WDFY1: variants seen among roughly 807,000 people sequenced by gnomAD.
The protein encoded by WDFY1 is WD repeat and FYVE domain-containing protein 1.
A neutral mutation model predicts 56.4 loss-of-function variants in WDFY1; 32 were observed. The observed-to-expected ratio is 0.57, with a 90% CI of 0.43 to 0.76. The LOEUF is 0.76. WDFY1 is among the 30% of genes least tolerant of loss of function. The pLI, the probability that WDFY1 is intolerant of heterozygous loss-of-function variation, is 0.00. For missense variants in WDFY1, 480 were observed against 545.7 expected, an observed-to-expected ratio of 0.88 and a Z score of 1.20; for synonymous variants, 192 against 197.3, an observed-to-expected ratio of 0.97 and a Z score of 0.23.
At chr2:223,880,309 T>C (rs1165490319) in intron 10 of WDFY1, 77 bp from the exon 11 acceptor site, 1 of 1,351,482 alleles carries the variant, frequency 7.4e-7, no homozygotes, top group African/African-American at 1.4e-5. Context: ...TTTAGCAACA[T>C]AAAATAAGCA....
At chr2:223,920,152 A>G (rs1194811490) in intron 1 of WDFY1, among the ~76,000 whole-genome samples, 1 of 152,238 alleles carries the variant, frequency 6.6e-6, no homozygotes, top group Admixed American at 6.5e-5. Context: ...TTTTCAATGC[A>G]AACTTGAAAA....
chr2:223,882,206 C>T (rs753906628), intron 9 of WDFY1, 134 bp from the exon 10 acceptor site: 79 of 1,180,646 alleles, frequency 6.7e-5, no homozygotes, highest in Non-Finnish European at 8.4e-5. Flanking sequence ...CCTCTGGCGC[C>T]CGGGTTCTAC....
In WDFY1 at chr2:223,877,659, A is replaced by G. The variant is rs1365378750; in HGVS notation, c.*1012T>C. On this transcript the variant is annotated 3_prime_UTR_variant, in exon 12 of 12. Transcript: ENST00000233055. Reference sequence around the variant, plus strand: ...GGGTCACTAACTTCTTTTTATGAAAACATGAATAATACTAGTTATAACTCA... The same window carrying G: ...GGGTCACTAACTTCTTTTTATGAAAGCATGAATAATACTAGTTATAACTCA... 6.6e-6 allele frequency: 1 copy of G among 152,352 alleles called. No individual in the cohort carries two copies. Among genetic ancestry groups the G allele is most frequent in the Admixed American group, 6.5e-5 (1 of 15,280 alleles). 9.4% of individuals were successfully genotyped at this position (152,352 alleles called of 1,614,324 possible). A position where few individuals can be genotyped will look rare whatever the true frequency, so the allele number is the denominator to read the frequency against.
intron 4 of WDFY1, among the ~76,000 whole-genome samples, chr2:223,903,641 G>GT (rs1553536484): frequency 2.1e-4 from 7 of 32,598 alleles, no homozygotes; most frequent in African/African-American, 3.6e-4. Context: ...ACACACACAC[G>GT]TTTTTTGTTT....
intron 2 of WDFY1, among the ~76,000 whole-genome samples, chr2:223,917,350 G>GT (rs1444832431): frequency 1.3e-5 from 2 of 152,044 alleles, no homozygotes; most frequent in Non-Finnish European, 1.5e-5. Context: ...TACTACTAAT[G>GT]TAAGTTGGCC....
At chr2:223,919,802 G>A (rs79287224) in intron 1 of WDFY1, among the ~76,000 whole-genome samples, 2,435 of 152,308 alleles carry the variant, frequency 0.016, 59 homozygotes, top group African/African-American at 0.054. Context: ...TTGAGGCCTA[G>A]ACAAGTAAAA....
chr2:223,875,620 GT>G lies in WDFY1; in HGVS notation c.*3050del, dbSNP rs1692955647. 6.6e-6 allele frequency: 1 copy of G among 152,188 alleles called. No individual in the cohort carries two copies. The highest frequency in any genetic ancestry group is 1.5e-5 in the Non-Finnish European group (1 of 68,028). The allele number at this position is 152,188 out of a possible 1,614,324, so 9.4% of individuals were successfully genotyped here. ...AATTAAACTTCAACTTACTCAAAGA[GT>G]TATTGTATTGTAAACTGCAGAAAAT... On this transcript the variant is annotated 3_prime_UTR_variant, in exon 12 of 12. Transcript: ENST00000233055.
chr2:223,892,634 G>T (rs1693298111), intron 8 of WDFY1, among the ~76,000 whole-genome samples: 1 of 152,166 alleles, frequency 6.6e-6, no homozygotes, highest in African/African-American at 2.4e-5. Context: ...TGCTAAAAAT[G>T]AAGGTTTAAT....
rs757639812 is a variant in WDFY1 at position 223,945,309 on chromosome 2, T to C, written c.-25A>G. ...TGTTCGCGCGGCGACTGCTGCGGCC[T>C]CCTCGGCAGGCAGCCCATCAGCTGA... On this transcript the variant is annotated 5_prime_UTR_variant, in exon 1 of 12. Coordinates refer to ENST00000233055, the MANE Select transcript of WDFY1 (RefSeq NM_020830.5). 6.4e-7 allele frequency: 1 copy of C among 1,552,924 alleles called. No individual in the cohort carries two copies. Among genetic ancestry groups the C allele is most frequent in the Admixed American group, 1.8e-5 (1 of 54,248 alleles).
rs558925690 is a variant in WDFY1, at chr2:223,921,049, G to GT, written c.138-3040dup. 1.7e-3 allele frequency among the ~76,000 whole-genome samples: 261 copies of GT among 152,288 alleles called. 2 individuals carry two copies. The highest frequency in any genetic ancestry group is 6.0e-3 in the African/African-American group (248 of 41,570). On this transcript the variant is annotated intron_variant, in intron 1 of 11. Transcript: ENST00000233055. Reference sequence around the variant, plus strand: ...AATCAGAATAGTGGTTGCTTCTGGGGTAAGAGGAGGACTGAATGCAATCAG... The same window carrying GT: ...AATCAGAATAGTGGTTGCTTCTGGGGTTAAGAGGAGGACTGAATGCAATCAG...
chr2:223,913,993 CTTTTTTTTTT>C (rs386392770), intron 2 of WDFY1, among the ~76,000 whole-genome samples: 2 of 88,152 alleles, frequency 2.3e-5, no homozygotes, highest in Non-Finnish European at 2.0e-5. Flanking sequence ...AATCAGTTAG[CTTTTTTTTTT>C]TTTTTTTTTT....
At chr2:223,926,423 GC>G (rs1356053250) in intron 1 of WDFY1, among the ~76,000 whole-genome samples, 1 of 151,962 alleles carries the variant, frequency 6.6e-6, no homozygotes, top group Non-Finnish European at 1.5e-5. Flanking sequence ...GAGCCAGTAT[GC>G]CCAGCAAAAG....
Position 223,877,261 on chromosome 2 carries a change from C to T in WDFY1, c.*1410G>A, listed in dbSNP as rs1251502301. 1 of 151,702 alleles carries T rather than the reference C, an allele frequency of 6.6e-6. No individual in the cohort carries two copies. The highest frequency in any genetic ancestry group is 1.5e-5 in the Non-Finnish European group (1 of 67,972). 9.4% of individuals were successfully genotyped at this position (151,702 alleles called of 1,614,324 possible). On this transcript the variant is annotated 3_prime_UTR_variant, in exon 12 of 12. Coordinates refer to ENST00000233055, the MANE Select transcript of WDFY1 (RefSeq NM_020830.5). ...CTTTAGTTTTATCATATGGAATGAC[C>T]CTATTGTCCTGGTATGATCCCAACA...
chr2:223,923,946 C>T (rs1693934266), intron 1 of WDFY1, among the ~76,000 whole-genome samples: 1 of 152,176 alleles, frequency 6.6e-6, no homozygotes, highest in South Asian at 2.1e-4. Context: ...ATAAACTCAT[C>T]TTATGTTTTT....
At chr2:223,898,101 G>A (rs1693430534) in intron 6 of WDFY1, among the ~76,000 whole-genome samples, 1 of 152,044 alleles carries the variant, frequency 6.6e-6, no homozygotes, top group African/African-American at 2.4e-5. Context: ...TGTATGTGGC[G>A]AGTCACTCAA....
At chr2:223,902,210 T>C (rs763653532) in intron 4 of WDFY1, among the ~76,000 whole-genome samples, 2 of 152,242 alleles carry the variant, frequency 1.3e-5, no homozygotes, top group African/African-American at 4.8e-5. Flanking sequence ...AAGGTTACAC[T>C]GAACAATTAA....
At chr2:223,882,403 G>A (rs1693087350) in intron 9 of WDFY1, among the ~76,000 whole-genome samples, 1 of 152,006 alleles carries the variant, frequency 6.6e-6, no homozygotes, top group Non-Finnish European at 1.5e-5. Flanking sequence ...GTGAGCCACT[G>A]CGCCTGGCCT....
intron 1 of WDFY1, among the ~76,000 whole-genome samples, chr2:223,922,586 G>A (rs1048867949): frequency 1.3e-5 from 2 of 152,136 alleles, no homozygotes; most frequent in Non-Finnish European, 2.9e-5. Flanking sequence ...CTGTGTGTTC[G>A]GGTTTCTTAG....
intron 1 of WDFY1, 134 bp downstream of exon 1, chr2:223,945,014 G>A: frequency 1.9e-6 from 2 of 1,053,068 alleles, no homozygotes; most frequent in Non-Finnish European, 2.6e-6. Flanking sequence ...CGGAGCTAAG[G>A]GGCGCAGAGT....
Sources: allele counts gnomAD v4.1 joint callset (sites outside exome capture counted in the v4.1 genomes callset), GRCh38; gene constraint gnomAD v4.1.1; transcripts MANE v1.5; gene names NCBI Gene and HGNC (gene_info 2026-07-23, HGNC 2026-07-21).